The following CYP2C18 variants were observed in gnomAD, a reference collection of about 807,000 sequenced individuals.
CYP2C18 encodes the protein cytochrome P450 family 2 subfamily C member 18, also known as cytochrome P450 2C18.
CYP2C18 carries 38 observed loss-of-function variants against 41.3 expected under a neutral mutation model. The observed-to-expected ratio is 0.92, with a 90% CI of 0.71 to 1.21. The LOEUF (loss-of-function observed/expected upper bound fraction) is 1.21. Ranked by LOEUF, CYP2C18 falls within the 50% of genes most tolerant of loss-of-function variation. CYP2C18 has a pLI of 0.00. For missense variants in CYP2C18, 635 were observed against 591.4 expected, an observed-to-expected ratio of 1.07 and a Z score of -0.77; for synonymous variants, 236 against 210.0, an observed-to-expected ratio of 1.12 and a Z score of -1.07.
chr10:94,684,528 A>AT (rs570974995), intron 1 of CYP2C18, among the ~76,000 whole-genome samples: 193 of 152,204 alleles, frequency 1.3e-3, no homozygotes, highest in African/African-American at 4.5e-3. Context: ...AAATAAGAAT[A>AT]TTTTTTCCTC....
intron 5 of CYP2C18, among the ~76,000 whole-genome samples, chr10:94,717,219 T>C (rs1251740588): frequency 6.6e-6 from 1 of 152,232 alleles, no homozygotes; most frequent in Non-Finnish European, 1.5e-5. Flanking sequence ...TTTCATCCTG[T>C]CATTATGATG....
At chr10:94,711,190 T>C (rs1331628181) in intron 5 of CYP2C18, among the ~76,000 whole-genome samples, 1 of 152,182 alleles carries the variant, frequency 6.6e-6, no homozygotes, top group African/African-American at 2.4e-5. Context: ...TCTGTCTTCA[T>C]GTCTGTAGTG....
intron 5 of CYP2C18, among the ~76,000 whole-genome samples, chr10:94,710,715 A>G (rs1211857009): frequency 2.6e-5 from 4 of 152,262 alleles, no homozygotes; most frequent in Non-Finnish European, 5.9e-5. Context: ...TAAGCTTAGA[A>G]AACTGTGTTA....
At chr10:94,690,407 T>A (rs1366440127) in intron 3 of CYP2C18, among the ~76,000 whole-genome samples, 1 of 152,142 alleles carries the variant, frequency 6.6e-6, no homozygotes, top group Non-Finnish European at 1.5e-5. Context: ...TATAAACACC[T>A]CTATGCAAAT....
At chr10:94,701,909 C>A (rs1380975849) in intron 4 of CYP2C18, among the ~76,000 whole-genome samples, 9 of 152,032 alleles carry the variant, frequency 5.9e-5, no homozygotes, top group Non-Finnish European at 8.8e-5. Context: ...ACTCACTGGG[C>A]AGTGGCATTA....
intron 1 of CYP2C18, among the ~76,000 whole-genome samples, chr10:94,685,088 G>A (rs1452650449): frequency 6.6e-6 from 1 of 151,944 alleles, no homozygotes; most frequent in African/African-American, 2.4e-5. Context: ...AGGATGGAGT[G>A]TAGTGATGGG....
chr10:94,687,706 A>G (rs1846915501), intron 1 of CYP2C18, 64 bp from the exon 2 acceptor site: 1 of 1,377,554 alleles, frequency 7.3e-7, no homozygotes, highest in Admixed American at 2.1e-5. Flanking sequence ...AGTCTGAATC[A>G]CGGACAATAT....
intron 1 of CYP2C18, among the ~76,000 whole-genome samples, chr10:94,687,137 T>G (rs552433217): frequency 1.6e-4 from 25 of 152,310 alleles, no homozygotes; most frequent in African/African-American, 6.0e-4. Flanking sequence ...ATGGAAAACA[T>G]TTTTCCTCTG....
chr10:94,707,019 G>A, intron 5 of CYP2C18, 59 bp downstream of exon 5: 3 of 1,468,642 alleles, frequency 2.0e-6, no homozygotes, highest in Non-Finnish European at 1.9e-6. Context: ...TATAACGATT[G>A]CTTAAATAGT....
intron 4 of CYP2C18, among the ~76,000 whole-genome samples, chr10:94,696,730 G>GA (rs1159385720): frequency 1.3e-5 from 2 of 151,816 alleles, no homozygotes; most frequent in African/African-American, 2.4e-5. Flanking sequence ...TAAAAACCTT[G>GA]AAAAAAAATT....
At chr10:94,715,740 T>A in intron 5 of CYP2C18, among the ~76,000 whole-genome samples, 1 of 152,312 alleles carries the variant, frequency 6.6e-6, no homozygotes, top group Middle Eastern at 3.4e-3. Flanking sequence ...TTGATTGGAA[T>A]AGTTTCAGAA....
intron 1 of CYP2C18, 48 bp from the exon 2 acceptor site, chr10:94,687,722 C>A: frequency 6.6e-7 from 1 of 1,526,452 alleles, no homozygotes; most frequent in Non-Finnish European, 9.0e-7. Flanking sequence ...AATATATAGA[C>A]CAAATACTGA....
intron 8 of CYP2C18, 146 bp from the exon 9 acceptor site, chr10:94,735,117 T>C (rs1847896854): frequency 1.3e-6 from 1 of 787,738 alleles, no homozygotes; most frequent in Admixed American, 2.8e-5. Flanking sequence ...ATTTTTGTTT[T>C]TCTGTGTATC....
intron 7 of CYP2C18, among the ~76,000 whole-genome samples, chr10:94,726,088 A>C (rs1297292684): frequency 1.3e-5 from 2 of 152,166 alleles, no homozygotes; most frequent in East Asian, 3.9e-4. Flanking sequence ...GATGAGGTTC[A>C]TCTTCTTCCA....
intron 4 of CYP2C18, among the ~76,000 whole-genome samples, chr10:94,698,658 CA>C (rs1315830920): frequency 1.3e-5 from 2 of 149,108 alleles, no homozygotes; most frequent in Admixed American, 1.3e-4. Context: ...GATAGAGATG[CA>C]AAAAACCCTT....
At chr10:94,725,889 G>A (rs1485655965) in intron 7 of CYP2C18, among the ~76,000 whole-genome samples, 2 of 152,178 alleles carry the variant, frequency 1.3e-5, no homozygotes, top group East Asian at 3.9e-4. Context: ...AAATTTTCTT[G>A]TCAGATTTCT....
At chr10:94,730,306 A>T (rs1333009706) in intron 7 of CYP2C18, among the ~76,000 whole-genome samples, 1 of 152,212 alleles carries the variant, frequency 6.6e-6, no homozygotes, top group South Asian at 2.1e-4. Context: ...GTTTCCAAAT[A>T]ATGTTTTTTA....
chr10:94,690,377 A>G (rs1438469279), intron 3 of CYP2C18, among the ~76,000 whole-genome samples: 3 of 152,226 alleles, frequency 2.0e-5, no homozygotes, highest in Non-Finnish European at 4.4e-5. Flanking sequence ...GAAATGTAAC[A>G]AACTACCAAC....
intron 5 of CYP2C18, 93 bp from the exon 6 acceptor site, chr10:94,720,303 T>A (rs1306558904): frequency 6.0e-6 from 7 of 1,160,310 alleles, no homozygotes; most frequent in Non-Finnish European, 8.4e-6. Context: ...CCAAACTTCC[T>A]TATCTTTAGA....
Sources: allele counts gnomAD v4.1 joint callset (sites outside exome capture counted in the v4.1 genomes callset), GRCh38; gene constraint gnomAD v4.1.1; transcripts MANE v1.5; gene names NCBI Gene and HGNC (gene_info 2026-07-23, HGNC 2026-07-21).